TMEM63B: variants seen among roughly 807,000 people sequenced by gnomAD.
TMEM63B encodes mechanosensitive cation channel TMEM63B.
In TMEM63B, 23 loss-of-function variants were observed where a neutral mutation model predicts 102.6. That is an observed-to-expected ratio of 0.22 (90% CI 0.16 to 0.32). TMEM63B has a LOEUF of 0.32. Ranked by LOEUF, TMEM63B falls within the 10% of genes least tolerant of loss-of-function variation. The pLI, the probability that TMEM63B is intolerant of heterozygous loss-of-function variation, is 1.00. For synonymous variants in TMEM63B, 444 were observed against 437.0 expected (o/e 1.02, Z -0.20); for missense variants, 628 against 1,095.9 (o/e 0.57, Z 6.03).
chr6:44,154,370 G>A lies in TMEM63B; in HGVS notation c.2232G>A (p.Glu744=), dbSNP rs752983563. ...KYLSAHNYKI[E]HTETDTVDPR... is the part of the protein sequence containing the mutation. Reference sequence around the variant, plus strand: ...CTCATTCTGGGCCCCTCAAGATTGAGCACACGGAGACAGATACTGTGGACC... The same window carrying A: ...CTCATTCTGGGCCCCTCAAGATTGAACACACGGAGACAGATACTGTGGACC... Residue 744 remains glutamate, a synonymous_variant, in exon 23 of 24, where the codon GAG becomes GAA. Coordinates refer to ENST00000323267, the MANE Select transcript of TMEM63B (RefSeq NM_018426.3). 6.2e-7 allele frequency: 1 copy of A among 1,613,998 alleles called. No individual in the cohort carries two copies. The highest frequency in any genetic ancestry group is 1.1e-5 in the South Asian group (1 of 91,082).
chr6:44,130,821 G>A (rs1041217560), intron 1 of TMEM63B, among the ~76,000 whole-genome samples: 2 of 148,242 alleles, frequency 1.3e-5, no homozygotes, highest in African/African-American at 5.0e-5. Flanking sequence ...GCATGATCAT[G>A]GCTGACTGCA....
chr6:44,138,585 T>G, intron 6 of TMEM63B, 68 bp downstream of exon 6: 1 of 1,600,752 alleles, frequency 6.2e-7, no homozygotes, highest in Non-Finnish European at 8.6e-7. Context: ...CCCTACAAAA[T>G]TCAGAAGCCA....
Position 44,152,352 on chromosome 6 carries a change from A to T in TMEM63B, c.1837-241A>T, listed in dbSNP as rs1766871777. 6.6e-6 allele frequency among the ~76,000 whole-genome samples: 1 copy of T among 151,470 alleles called. No individual in the cohort carries two copies. Among genetic ancestry groups the T allele is most frequent in the African/African-American group, 2.4e-5 (1 of 41,180 alleles). On this transcript the variant is annotated intron_variant, in intron 19 of 23. Coordinates refer to ENST00000323267, the MANE Select transcript of TMEM63B (RefSeq NM_018426.3). The surrounding 1 kb of genome is among the most constrained non-coding windows in gnomAD (Gnocchi z 6.4). ...ACCCAACTCTTGCCCCCTACCTGCC[A>T]GGCCCCGACCCTTGAAGGCCCCTCT...
At chr6:44,149,093 C>G in intron 15 of TMEM63B, 148 bp downstream of exon 15, 1 of 1,241,586 alleles carries the variant, frequency 8.1e-7, no homozygotes, top group South Asian at 1.3e-5. Context: ...CCTGTGTGCA[C>G]TTCCCTTGGG....
chr6:44,130,241 T>G (rs1778005603), intron 1 of TMEM63B, among the ~76,000 whole-genome samples: 2 of 152,156 alleles, frequency 1.3e-5, no homozygotes, highest in South Asian at 4.1e-4. Flanking sequence ...CTTATCTGGG[T>G]CTACCACAGA....
intron 18 of TMEM63B, among the ~76,000 whole-genome samples, chr6:44,151,433 T>G (rs187807535): frequency 2.0e-5 from 3 of 152,128 alleles, no homozygotes; most frequent in Admixed American, 2.0e-4. Flanking sequence ...AAAGCTTGTT[T>G]GTGGAGGTAT....
intron 1 of TMEM63B, among the ~76,000 whole-genome samples, chr6:44,132,068 C>T (rs1440790879): frequency 6.6e-6 from 1 of 152,198 alleles, no homozygotes; most frequent in Non-Finnish European, 1.5e-5. Context: ...AAGCTTGGAG[C>T]AGCCCTGTCA....
Position 44,150,689 on chromosome 6 carries a change from G to A in TMEM63B, c.1673+60G>A, listed in dbSNP as rs1766415970. ...ACAGCAGGGGTGGGTATGCTTGAGA[G>A]ACATTGCCAGCCCCATGGGAGGGTG... is the stretch of plus-strand genomic sequence containing the variant. On this transcript the variant is annotated intron_variant, in intron 18 of 23. Transcript: ENST00000323267. The surrounding 1 kb of genome is among the most constrained non-coding windows in gnomAD (Gnocchi z 4.7). 3.9e-6 allele frequency: 6 copies of A among 1,528,388 alleles called. No homozygotes were observed. Among genetic ancestry groups the A allele is most frequent in the South Asian group, 2.3e-5 (2 of 88,440 alleles). The allele number at this position is 1,528,388 out of a possible 1,614,324, so 94.7% of individuals were successfully genotyped here.
At chr6:44,135,210 G>A in intron 3 of TMEM63B, 114 bp downstream of exon 3, 1 of 1,569,034 alleles carries the variant, frequency 6.4e-7, no homozygotes, top group South Asian at 1.1e-5. Flanking sequence ...GGGATGAGAA[G>A]GGACTAGCCC....
chr6:44,140,902 C>T, intron 9 of TMEM63B, 126 bp from the exon 10 acceptor site: 1 of 786,726 alleles, frequency 1.3e-6, no homozygotes, highest in Non-Finnish European at 2.1e-6. Context: ...ATCTGTTCCC[C>T]TCTGCTCACC....
chr6:44,147,314 T>C (rs563431153), intron 11 of TMEM63B, 63 bp from the exon 12 acceptor site: 1 of 1,612,532 alleles, frequency 6.2e-7, no homozygotes, highest in East Asian at 2.2e-5. Flanking sequence ...GTGAGCTAGA[T>C]GACCCCCAAG....
At chr6:44,140,521 C>T in intron 9 of TMEM63B, 161 bp downstream of exon 9, 1 of 700,084 alleles carries the variant, frequency 1.4e-6, no homozygotes, top group Non-Finnish European at 2.6e-6. Context: ...CCTCCCAAGC[C>T]ATGATTTTCT....
intron 1 of TMEM63B, among the ~76,000 whole-genome samples, chr6:44,131,637 T>C: frequency 6.6e-6 from 1 of 152,080 alleles, no homozygotes. Context: ...GAGAATCCCT[T>C]GAACCCAGGA....
Position 44,154,952 on chromosome 6 carries a change from C to G in TMEM63B, c.*69C>G. ...CCCCACTCCCACGGACACTAAAACG[C>G]TAATAATTTATTAGATCTAAAGCCC... On this transcript the variant is annotated 3_prime_UTR_variant, in exon 24 of 24. Coordinates refer to ENST00000323267, the MANE Select transcript of TMEM63B (RefSeq NM_018426.3). The G allele has an allele frequency of 5.8e-6, 8 of 1,374,890 alleles. No homozygotes were observed. The highest frequency in any genetic ancestry group is 7.7e-6 in the Non-Finnish European group (8 of 1,033,662). 85.2% of individuals were successfully genotyped at this position (1,374,890 alleles called of 1,614,324 possible). A position where few individuals can be genotyped will look rare whatever the true frequency, so the allele number is the denominator to read the frequency against.
At chr6:44,146,725 A>T in intron 10 of TMEM63B, 122 bp from the exon 11 acceptor site, 1 of 1,014,852 alleles carries the variant, frequency 9.9e-7, no homozygotes, top group Non-Finnish European at 1.5e-6. Flanking sequence ...TGCTGGGATT[A>T]CAGATGTGAG....
chr6:44,143,356 T>C (rs1217658660), intron 10 of TMEM63B, among the ~76,000 whole-genome samples: 1 of 152,206 alleles, frequency 6.6e-6, no homozygotes, highest in Non-Finnish European at 1.5e-5. Context: ...TTCTTGTCAG[T>C]ATGAGAGAAC....
At chr6:44,147,037 A>G (rs1459599139) in intron 11 of TMEM63B, 110 bp downstream of exon 11, 1 of 1,206,740 alleles carries the variant, frequency 8.3e-7, no homozygotes. Flanking sequence ...AGGGCATTTG[A>G]TTTTAATTCA....
intron 10 of TMEM63B, among the ~76,000 whole-genome samples, chr6:44,141,549 T>C (rs1764264119): frequency 6.6e-6 from 1 of 152,042 alleles, no homozygotes; most frequent in African/African-American, 2.4e-5. Flanking sequence ...GAATTATGTT[T>C]TGGGGTGGGT....
chr6:44,132,415 C>T, intron 1 of TMEM63B: 1 of 778,032 alleles, frequency 1.3e-6, no homozygotes, highest in Non-Finnish European at 1.6e-6. Context: ...AGGAATGGTA[C>T]TCTGGGGCTT....
Sources: allele counts gnomAD v4.1 joint callset (sites outside exome capture counted in the v4.1 genomes callset), GRCh38; gene constraint gnomAD v4.1.1; non-coding constraint Gnocchi (gnomAD v3.1); transcripts MANE v1.5; gene names NCBI Gene and HGNC (gene_info 2026-07-23, HGNC 2026-07-21).